Variants in SLCO5A1 observed in about 807,000 individuals in gnomAD.
SLCO5A1 encodes solute carrier organic anion transporter family member 5A1.
In SLCO5A1, 39 loss-of-function variants were observed where a neutral mutation model predicts 65.1. The observed-to-expected ratio is 0.60, with a 90% CI of 0.46 to 0.78. The LOEUF is 0.78. SLCO5A1 is among the 30% of genes least tolerant of loss of function. SLCO5A1 has a pLI of 0.00. For missense variants in SLCO5A1, 1,029 were observed against 1,069.4 expected (o/e 0.96, Z 0.53); for synonymous variants, 438 against 415.7 (o/e 1.05, Z -0.65).
chr8:69,787,078 C>A (rs1318571241), intron 2 of SLCO5A1, among the ~76,000 whole-genome samples: 7 of 152,174 alleles, frequency 4.6e-5, no homozygotes, highest in Non-Finnish European at 1.0e-4. Flanking sequence ...ATGAATGCAG[C>A]CAGAGTCTCA....
intron 3 of SLCO5A1, 124 bp from the exon 4 acceptor site, chr8:69,755,765 C>G (rs1817516158): frequency 4.0e-6 from 3 of 755,206 alleles, no homozygotes; most frequent in Non-Finnish European, 6.3e-6. Context: ...AACTGTAAAG[C>G]AGTAGGAAGT....
At chr8:69,779,641 A>G (rs1465737637) in intron 2 of SLCO5A1, among the ~76,000 whole-genome samples, 1 of 152,176 alleles carries the variant, frequency 6.6e-6, no homozygotes, top group Non-Finnish European at 1.5e-5. Flanking sequence ...TTTTCAATTT[A>G]CAGATGAGAA....
At chr8:69,746,326 T>C (rs1241693140) in intron 4 of SLCO5A1, among the ~76,000 whole-genome samples, 5 of 152,208 alleles carry the variant, frequency 3.3e-5, no homozygotes, top group Non-Finnish European at 7.3e-5. Flanking sequence ...CATCTAGTCC[T>C]TTCCTAAAAG....
chr8:69,703,799 T>C (rs1814851115), intron 6 of SLCO5A1, among the ~76,000 whole-genome samples: 1 of 152,344 alleles, frequency 6.6e-6, no homozygotes, highest in South Asian at 2.1e-4. Context: ...AATTAAATGA[T>C]ATAAACATAC....
Position 69,668,408 on chromosome 8 carries a change from G to A in SLCO5A1, c.*4461C>T, listed in dbSNP as rs1451790380. 6.6e-6 allele frequency: 1 copy of A among 152,048 alleles called. No homozygotes were observed. The highest frequency in any genetic ancestry group is 2.4e-5 in the African/African-American group (1 of 41,398). 9.4% of individuals were successfully genotyped at this position (152,048 alleles called of 1,614,324 possible). A position where few individuals can be genotyped will look rare whatever the true frequency, so the allele number is the denominator to read the frequency against. ...CAAACCTGCAGTTTAGGCAATTCTG[G>A]GATTATACAGTATTTTGGTATCTAT... On this transcript the variant is annotated 3_prime_UTR_variant, in exon 10 of 10. Transcript: ENST00000260126.
At chr8:69,709,100 T>C (rs1020438461) in intron 5 of SLCO5A1, among the ~76,000 whole-genome samples, 1 of 152,202 alleles carries the variant, frequency 6.6e-6, no homozygotes, top group East Asian at 1.9e-4. Context: ...TAGTCAGTCA[T>C]GAGTCCCTAG....
At chr8:69,716,969 G>T (rs911789963) in intron 5 of SLCO5A1, among the ~76,000 whole-genome samples, 2 of 152,006 alleles carry the variant, frequency 1.3e-5, no homozygotes, top group African/African-American at 4.8e-5. Flanking sequence ...TTATGGAGAT[G>T]AGGTATCCCT....
chr8:69,827,969 C>G (rs1820991954), intron 2 of SLCO5A1, among the ~76,000 whole-genome samples: 1 of 152,150 alleles, frequency 6.6e-6, no homozygotes, highest in Non-Finnish European at 1.5e-5. Flanking sequence ...ACAGTTGGTT[C>G]TCAGGGCTTC....
At chr8:69,696,889 G>GA (rs1387196810) in intron 6 of SLCO5A1, among the ~76,000 whole-genome samples, 2 of 151,812 alleles carry the variant, frequency 1.3e-5, no homozygotes, top group South Asian at 2.1e-4. Context: ...ATCCAGCAAA[G>GA]AAAAAAATCC....
At chr8:69,823,288 A>C (rs1429864742) in intron 2 of SLCO5A1, among the ~76,000 whole-genome samples, 1 of 152,238 alleles carries the variant, frequency 6.6e-6, no homozygotes, top group Non-Finnish European at 1.5e-5. Flanking sequence ...CTTTAAATGT[A>C]AATGGACTAA....
In SLCO5A1 at chr8:69,755,571, T is replaced by C; in HGVS notation, c.1111A>G (p.Lys371Glu). Residue 371 changes from lysine to glutamate, a missense_variant, in exon 4 of 10, where the codon AAG becomes GAG. Physicochemically the swap from Lys to Glu is moderately conservative, Grantham distance 56. This residue lies in a region of SLCO5A1 where 647 missense variants were observed against 647.5 expected (regional missense o/e 1.00). Transcript: ENST00000260126. ...TTTTTCTTGTGTCGAGGTGGAAGCT[T>C]TTTTGGGAAAGTAAACATTGGGAAT... ...VIFPMFTFPK[K>E]LPPRHKKKKK... The C allele has an allele frequency of 6.2e-7, 1 of 1,614,048 alleles. No individual in the cohort carries two copies. Among genetic ancestry groups the C allele is most frequent in the South Asian group, 1.1e-5 (1 of 91,052 alleles).
At chr8:69,821,805 C>CAAAAAAAAAA (rs11284619) in intron 2 of SLCO5A1, among the ~76,000 whole-genome samples, 1 of 115,282 alleles carries the variant, frequency 8.7e-6, no homozygotes, top group Admixed American at 9.4e-5. Context: ...GACTTTGTCT[C>CAAAAAAAAAA]AAAAAAAAAA....
chr8:69,677,971 C>T (rs983002792), intron 8 of SLCO5A1, among the ~76,000 whole-genome samples: 1 of 152,170 alleles, frequency 6.6e-6, no homozygotes, highest in African/African-American at 2.4e-5. Context: ...TGCCCAGACC[C>T]ATGGGTGAGC....
chr8:69,692,740 A>G (rs575055976), intron 6 of SLCO5A1, among the ~76,000 whole-genome samples: 1 of 152,304 alleles, frequency 6.6e-6, no homozygotes, highest in African/African-American at 2.4e-5. Flanking sequence ...TCCCACCCCC[A>G]TATCTTGTCT....
intron 2 of SLCO5A1, among the ~76,000 whole-genome samples, chr8:69,809,754 G>A (rs573757100): frequency 6.6e-6 from 1 of 151,922 alleles, no homozygotes; most frequent in Middle Eastern, 3.2e-3. Flanking sequence ...GTGTGTGTGT[G>A]TTTTGTGAGG....
chr8:69,760,887 A>G (rs1370864560), intron 3 of SLCO5A1, among the ~76,000 whole-genome samples: 1 of 152,246 alleles, frequency 6.6e-6, no homozygotes, highest in East Asian at 1.9e-4. Flanking sequence ...AAGCAGCTAA[A>G]TCTCTAGCAC....
intron 2 of SLCO5A1, among the ~76,000 whole-genome samples, chr8:69,820,214 C>G (rs1285020854): frequency 1.3e-5 from 2 of 152,224 alleles, no homozygotes; most frequent in Non-Finnish European, 2.9e-5. Flanking sequence ...GCCTCCTCCA[C>G]TTTTCCCTTC....
chr8:69,715,562 C>G (rs72660150), intron 5 of SLCO5A1, among the ~76,000 whole-genome samples: 1 of 152,156 alleles, frequency 6.6e-6, no homozygotes, highest in African/African-American at 2.4e-5. Context: ...AAAACCCTGA[C>G]AAAGCTACCC....
intron 2 of SLCO5A1, among the ~76,000 whole-genome samples, chr8:69,800,829 T>A (rs1323984456): frequency 6.6e-6 from 1 of 152,176 alleles, no homozygotes; most frequent in Non-Finnish European, 1.5e-5. Flanking sequence ...AAAAGGGTGT[T>A]CCCCTGGCAG....
Sources: allele counts gnomAD v4.1 joint callset (sites outside exome capture counted in the v4.1 genomes callset), GRCh38; gene constraint gnomAD v4.1.1; regional missense constraint gnomAD v4.1.1; transcripts MANE v1.5; gene names NCBI Gene and HGNC (gene_info 2026-07-23, HGNC 2026-07-21).